CEP290: variants seen among roughly 807,000 people sequenced by gnomAD.
The protein encoded by CEP290 is centrosomal protein of 290 kDa.
Under a neutral mutation model 344.9 loss-of-function variants are expected in CEP290, and 317 were observed. The ratio of observed to expected loss-of-function variants is 0.92; its 90% CI spans 0.84 to 1.01. The LOEUF (loss-of-function observed/expected upper bound fraction) is 1.01. Ranked by LOEUF, CEP290 falls within the 50% of genes least tolerant of loss-of-function variation. The pLI is 0.00. For synonymous variants in CEP290, 932 were observed against 895.8 expected (o/e 1.04, Z -0.72); for missense variants, 2,754 against 2,761.4 (o/e 1.00, Z 0.06).
chr12:88,129,157 T>C, intron 10 of CEP290, 122 bp from the exon 11 acceptor site: 2 of 346,166 alleles, frequency 5.8e-6, no homozygotes, highest in Non-Finnish European at 9.0e-6. Context: ...TACGTATTCA[T>C]ACTTATATAC....
At chr12:88,120,065 G>C (rs749608777) in intron 15 of CEP290, 49 bp downstream of exon 15, 169 of 1,202,448 alleles carry the variant, frequency 1.4e-4, no homozygotes, top group Non-Finnish European at 1.8e-4. Flanking sequence ...TAAAAAAAAA[G>C]ACTTGTAAAT....
At chr12:88,119,314 T>C (rs1310159988) in intron 15 of CEP290, among the ~76,000 whole-genome samples, 1 of 152,164 alleles carries the variant, frequency 6.6e-6, no homozygotes, top group Non-Finnish European at 1.5e-5. Context: ...TAGATATTTA[T>C]TTTCATTTTA....
intron 6 of CEP290, 27 bp from the exon 7 acceptor site, chr12:88,131,245 TA>T: frequency 1.4e-6 from 2 of 1,419,794 alleles, no homozygotes; most frequent in African/African-American, 1.5e-5. Context: ...AAAAAATAAA[TA>T]AGAAGAAGAT....
rs924779470 is a variant in CEP290, at chr12:88,052,695, CAG to C, written c.7129+955_7129+956del. 2.6e-5 allele frequency among the ~76,000 whole-genome samples: 4 copies of C among 152,040 alleles called. 1 individual carries two copies. Among genetic ancestry groups the C allele is most frequent in the Admixed American group, 2.6e-4 (4 of 15,252 alleles). ...TATACATACACCTACATATCTCACA[CAG>C]ATGATAATCTTAAATCCTAAAGATA... On this transcript the variant is annotated intron_variant, in intron 52 of 53. Transcript: ENST00000552810.
At position 88,127,890 on chromosome 12, in the gene CEP290, A is replaced by G. The variant is rs567009488; in HGVS notation, c.942+1056T>C. On this transcript the variant is annotated intron_variant, in intron 11 of 53. Transcript: ENST00000552810. ...AGCCTTTAAAAAGAACAGCAATACT[A>G]TACGTACTGATATAAAATAATTATG... 8.5e-5 allele frequency among the ~76,000 whole-genome samples: 13 copies of G among 152,324 alleles called. No individual in the cohort carries two copies. The South Asian group carries it at 2.7e-3, about 32-fold the overall frequency.
At chr12:88,073,271 C>A (rs528481560) in intron 41 of CEP290, among the ~76,000 whole-genome samples, 10 of 152,102 alleles carry the variant, frequency 6.6e-5, no homozygotes, top group Non-Finnish European at 1.3e-4. Flanking sequence ...AATTTGTTTA[C>A]CATTTTGGAA....
At chr12:88,141,729 T>G (rs1323858861) in intron 1 of CEP290, among the ~76,000 whole-genome samples, 171 bp downstream of exon 1, 1 of 151,874 alleles carries the variant, frequency 6.6e-6, no homozygotes, top group Non-Finnish European at 1.5e-5. Flanking sequence ...ACGCAGAAAT[T>G]AACATTTGGA....
At position 88,111,302 on chromosome 12, in the gene CEP290, G is replaced by A. The variant is rs761111801; in HGVS notation, c.2267C>T (p.Ser756Leu). ...ETSLLRQSEG[S>L]NVVFKGIDLP... is the part of the protein sequence containing the mutation. ...GTCAATTCCTTTAAAAACAACATTT[G>A]ATCCTTCTGATTGTCGTAAAAGACT... The change falls in exon 22 of 54, where the codon TCA becomes TTA. Residue 756 changes from serine to leucine, a missense_variant. Ser to Leu is a moderately radical substitution (Grantham distance 145). Coordinates refer to ENST00000552810, the MANE Select transcript of CEP290 (RefSeq NM_025114.4). 6.3e-5 allele frequency: 98 copies of A among 1,557,948 alleles called. No homozygotes were observed. In the East Asian group the frequency reaches 2.1e-3, roughly 34 times the overall value.
At chr12:88,069,469 AAG>A (rs1219027996) in intron 43 of CEP290, among the ~76,000 whole-genome samples, 1 of 152,194 alleles carries the variant, frequency 6.6e-6, no homozygotes, top group Non-Finnish European at 1.5e-5. Flanking sequence ...AGAAGAATAA[AAG>A]TGTTTTGTTT....
chr12:88,140,257 T>C (rs1382243664), intron 3 of CEP290, among the ~76,000 whole-genome samples: 3 of 152,218 alleles, frequency 2.0e-5, no homozygotes, highest in Non-Finnish European at 4.4e-5. Flanking sequence ...TAATGTGATG[T>C]CTACAAAGCT....
At chr12:88,079,350 G>A (rs976056001) in intron 38 of CEP290, 121 bp from the exon 39 acceptor site, 2 of 729,214 alleles carry the variant, frequency 2.7e-6, no homozygotes, top group Non-Finnish European at 4.2e-6. Context: ...AATATTATGA[G>A]TTTAATGGAA....
intron 6 of CEP290, among the ~76,000 whole-genome samples, chr12:88,134,878 TCTTCTACCCA>T (rs1212315883): frequency 6.6e-6 from 1 of 152,198 alleles, no homozygotes; most frequent in Non-Finnish European, 1.5e-5. Flanking sequence ...AAATGCTATA[TCTTCTACCCA>T]GAATGTTCTT....
intron 20 of CEP290, among the ~76,000 whole-genome samples, chr12:88,113,596 G>A (rs2038844540): frequency 6.6e-6 from 1 of 151,086 alleles, no homozygotes. Context: ...CACAAATTTG[G>A]GAAATAATAT....
chr12:88,106,872 C>T lies in CEP290; in HGVS notation c.2620G>A (p.Glu874Lys). Reference protein sequence around the residue: ...LLNALQMDSDEMKKILAENSR... With the variant: ...LLNALQMDSDKMKKILAENSR... Reference sequence around the variant, plus strand: ...TTTTCTGCAAGTATTTTTTTCATTTCATCCGAATCCATCTGAAGAGCATTG... The same window carrying T: ...TTTTCTGCAAGTATTTTTTTCATTTTATCCGAATCCATCTGAAGAGCATTG... Residue 874 changes from glutamate (E) to lysine (K), a missense_variant, in exon 25 of 54, where the codon GAA becomes AAA. Transcript: ENST00000552810. 1 of 1,606,084 alleles carries T rather than the reference C, an allele frequency of 6.2e-7. No individual in the cohort carries two copies. Among genetic ancestry groups the T allele is most frequent in the African/African-American group, 1.3e-5 (1 of 74,898 alleles).
intron 6 of CEP290, 45 bp downstream of exon 6, chr12:88,136,598 G>A: frequency 6.3e-7 from 1 of 1,586,740 alleles, no homozygotes; most frequent in Non-Finnish European, 8.6e-7. Flanking sequence ...TAAAAAGCCA[G>A]GTAACTTGAA....
chr12:88,056,943 T>G (rs565575151), intron 49 of CEP290, among the ~76,000 whole-genome samples: 1 of 152,318 alleles, frequency 6.6e-6, no homozygotes, highest in South Asian at 2.1e-4. Context: ...AAAACGAGCC[T>G]TCTCTCTGTC....
chr12:88,104,875 G>GA (rs1486085124), intron 25 of CEP290, among the ~76,000 whole-genome samples: 2 of 151,790 alleles, frequency 1.3e-5, no homozygotes, highest in African/African-American at 4.8e-5. Flanking sequence ...TTCTATGTAA[G>GA]AAAAAAATAC....
At chr12:88,112,322 C>T (rs1200481459) in intron 20 of CEP290, among the ~76,000 whole-genome samples, 2 of 151,934 alleles carry the variant, frequency 1.3e-5, no homozygotes, top group East Asian at 1.9e-4. Flanking sequence ...TCAAAGCATG[C>T]GCAAAGGAAT....
chr12:88,138,866 C>A (rs921225891), intron 5 of CEP290, among the ~76,000 whole-genome samples: 14 of 152,072 alleles, frequency 9.2e-5, no homozygotes, highest in Non-Finnish European at 1.0e-4. Flanking sequence ...CAAATCCCCA[C>A]CCACCCTCCA....
Sources: gnomAD v4.1 joint callset for allele counts (sites outside exome capture counted in the v4.1 genomes callset) on GRCh38, gnomAD v4.1.1 for gene constraint, MANE v1.5 for transcripts, NCBI Gene and HGNC (gene_info 2026-07-23, HGNC 2026-07-21) for gene names.